Variants in NREP observed in about 807,000 individuals in gnomAD.
NREP encodes neuronal regeneration related protein.
NREP carries 5 observed loss-of-function variants against 8.6 expected under a neutral mutation model. The ratio of observed to expected loss-of-function variants is 0.58; its 90% CI spans 0.30 to 1.22. The LOEUF is 1.22. NREP is among the 50% of genes most tolerant of loss of function. The probability of loss-of-function intolerance (pLI) is 0.07; values close to 1 mark genes in which losing one functional copy is unlikely to be tolerated. For synonymous variants in NREP, 27 were observed against 28.0 expected (o/e 0.96, Z 0.11); for missense variants, 86 against 82.5 (o/e 1.04, Z -0.17).
chr5:111,784,952 C>G (rs545873654), intron 2 of NREP, among the ~76,000 whole-genome samples: 1 of 152,258 alleles, frequency 6.6e-6, no homozygotes, highest in East Asian at 1.9e-4. Context: ...GGGAGCTGCT[C>G]TAGCCAAGGG....
At chr5:111,927,782 T>C (rs1400962926) in intron 2 of NREP, among the ~76,000 whole-genome samples, 1 of 152,140 alleles carries the variant, frequency 6.6e-6, no homozygotes, top group Non-Finnish European at 1.5e-5. Context: ...CTTCTTTCCT[T>C]TTAAATATTT....
At chr5:111,976,493 A>C (rs192596111) in intron 1 of NREP, among the ~76,000 whole-genome samples, 124 of 152,364 alleles carry the variant, frequency 8.1e-4, no homozygotes, top group African/African-American at 2.7e-3. Context: ...TACCTTCAGC[A>C]GTGCTGAGGC....
chr5:111,918,076 A>G (rs1755115895), intron 2 of NREP, among the ~76,000 whole-genome samples: 1 of 152,212 alleles, frequency 6.6e-6, no homozygotes, highest in South Asian at 2.1e-4. Flanking sequence ...AGACCAATAG[A>G]GAGCCAAATC....
At chr5:111,774,847 T>G (rs1285218534) in intron 2 of NREP, among the ~76,000 whole-genome samples, 1 of 152,228 alleles carries the variant, frequency 6.6e-6, no homozygotes, top group Non-Finnish European at 1.5e-5. Flanking sequence ...GACCTGGACT[T>G]CTAATCTGCA....
At chr5:111,776,559 A>G (rs1314522141) in intron 2 of NREP, among the ~76,000 whole-genome samples, 1 of 152,214 alleles carries the variant, frequency 6.6e-6, no homozygotes, top group Admixed American at 6.5e-5. Context: ...AACTGGAAAC[A>G]TTCCATATGT....
At chr5:111,806,571 C>T (rs138648043) in intron 2 of NREP, among the ~76,000 whole-genome samples, 55 of 152,244 alleles carry the variant, frequency 3.6e-4, no homozygotes, top group African/African-American at 1.2e-3. Context: ...GAATTTGTTA[C>T]AGCCATCAGC....
At chr5:111,856,606 A>C (rs1266354157) in intron 2 of NREP, among the ~76,000 whole-genome samples, 3 of 152,296 alleles carry the variant, frequency 2.0e-5, no homozygotes, top group Middle Eastern at 3.4e-3. Flanking sequence ...TGCCTTTACT[A>C]GAAGGAATGC....
chr5:111,966,282 T>C (rs943592266), intron 2 of NREP, among the ~76,000 whole-genome samples: 2 of 152,210 alleles, frequency 1.3e-5, no homozygotes, highest in Non-Finnish European at 2.9e-5. Flanking sequence ...CAGAAAGTTA[T>C]AGTTCCCTGG....
chr5:111,753,356 A>G (rs1391169353), intron 2 of NREP, among the ~76,000 whole-genome samples: 1 of 146,314 alleles, frequency 6.8e-6, no homozygotes, highest in African/African-American at 2.5e-5. Context: ...ATATATATGT[A>G]TATATATATG....
intron 2 of NREP, among the ~76,000 whole-genome samples, chr5:111,741,454 T>C (rs192073321): frequency 1.2e-4 from 18 of 152,280 alleles, no homozygotes; most frequent in Admixed American, 1.2e-3. Flanking sequence ...CAGGTGTTAC[T>C]GGTCATATGA....
At chr5:111,881,721 G>T (rs907054430) in intron 2 of NREP, among the ~76,000 whole-genome samples, 13 of 152,100 alleles carry the variant, frequency 8.5e-5, no homozygotes, top group Admixed American at 3.9e-4. Flanking sequence ...CGGCAAACAG[G>T]GTCTGGAGTG....
At chr5:111,970,242 T>C (rs34928) in intron 2 of NREP, among the ~76,000 whole-genome samples, 56,482 of 151,944 alleles carry the variant, frequency 0.37, 10,932 homozygotes, top group South Asian at 0.58. Context: ...TTTTTGAAAT[T>C]ATTTTGTGTC....
At chr5:111,919,672 T>TGA (rs981329220) in intron 2 of NREP, among the ~76,000 whole-genome samples, 1 of 151,796 alleles carries the variant, frequency 6.6e-6, no homozygotes, top group African/African-American at 2.4e-5. Context: ...AGCTGAACAA[T>TGA]GAGAACACAT....
intron 2 of NREP, among the ~76,000 whole-genome samples, chr5:111,836,327 G>A (rs1752892645): frequency 6.6e-6 from 1 of 152,096 alleles, no homozygotes; most frequent in Non-Finnish European, 1.5e-5. Flanking sequence ...GGGATCTGAA[G>A]AACGAGTAGA....
chr5:111,854,437 A>T (rs1753380907), intron 2 of NREP, among the ~76,000 whole-genome samples: 1 of 152,314 alleles, frequency 6.6e-6, no homozygotes, highest in East Asian at 1.9e-4. Flanking sequence ...GGGTGCCAGA[A>T]GTCTGGCAGC....
At chr5:111,858,807 C>T (rs1194440980) in intron 2 of NREP, among the ~76,000 whole-genome samples, 2 of 152,032 alleles carry the variant, frequency 1.3e-5, no homozygotes, top group Non-Finnish European at 2.9e-5. Flanking sequence ...AACAAGATTC[C>T]TCTACCATTA....
intron 2 of NREP, among the ~76,000 whole-genome samples, chr5:111,743,294 T>C (rs546200370): frequency 1.3e-5 from 2 of 152,180 alleles, no homozygotes; most frequent in South Asian, 4.1e-4. Context: ...TTTGTTAGCT[T>C]GCAGCAAAAA....
upstream of NREP, chr5:111,758,318 T>C (rs1441709019): frequency 5.5e-6 from 5 of 916,644 alleles, no homozygotes; most frequent in Non-Finnish European, 6.5e-6. Context: ...TTCCTTCTCC[T>C]TCCCTATACG....
Position 111,730,333 on chromosome 5 carries a change from G to A in NREP, c.*588C>T. The A allele has an allele frequency of 6.6e-6, 1 of 152,502 alleles. No individual in the cohort carries two copies. Among genetic ancestry groups the A allele is most frequent in the Admixed American group, 6.5e-5 (1 of 15,268 alleles). The allele number at this position is 152,502 out of a possible 1,614,324, so 9.4% of individuals were successfully genotyped here. ...AAAATAACTCCATCAGAGCTACCTC[G>A]CCAAGGAGCATGTTGAAAGTCCAAA... On this transcript the variant is annotated 3_prime_UTR_variant, in exon 4 of 4. Coordinates refer to ENST00000257435, the MANE Select transcript of NREP (RefSeq NM_004772.4).
Sources: gnomAD v4.1 joint callset for allele counts (sites outside exome capture counted in the v4.1 genomes callset) on GRCh38, gnomAD v4.1.1 for gene constraint, MANE v1.5 for transcripts, NCBI Gene and HGNC (gene_info 2026-07-23, HGNC 2026-07-21) for gene names.